IGLON5: variants seen among roughly 807,000 people sequenced by gnomAD.
The protein encoded by IGLON5 is Ig-like domain-containing protein ENSP00000270642.
Under a neutral mutation model 38.2 loss-of-function variants are expected in IGLON5, and 16 were observed. The ratio of observed to expected loss-of-function variants is 0.42; its 90% CI spans 0.28 to 0.64. IGLON5 has a LOEUF of 0.64. Ranked by LOEUF, IGLON5 falls within the 30% of genes least tolerant of loss-of-function variation. The probability of loss-of-function intolerance (pLI) is 0.23; values close to 1 mark genes in which losing one functional copy is unlikely to be tolerated. For missense variants in IGLON5, 366 were observed against 483.4 expected (o/e 0.76, Z 2.28); for synonymous variants, 207 against 216.4 (o/e 0.96, Z 0.38).
chr19:51,326,753 T>TC lies in IGLON5; in HGVS notation c.512-5dup, dbSNP rs1985226057. 2 of 1,542,186 alleles carry TC rather than the reference T, an allele frequency of 1.3e-6. No individual in the cohort carries two copies. Among genetic ancestry groups the TC allele is most frequent in the Non-Finnish European group, 8.7e-7 (1 of 1,143,306 alleles). On this transcript the variant is annotated splice_polypyrimidine_tract_variant and intron_variant, in intron 4 of 7. Coordinates refer to ENST00000270642, the MANE Select transcript of IGLON5 (RefSeq NM_001101372.3). ...TCCGGCCCCGCCCCCTCCTCCTCCT[T>TC]CCCCCCACAGACGGCTTCACCTCGG...
rs549400283 is a variant in IGLON5 at position 51,314,462 on chromosome 19, G to T, written c.79+2536G>T. On this transcript the variant is annotated intron_variant, in intron 1 of 7. Transcript: ENST00000270642. ...GCCTCCCAAAGTGCTGGGATTACAG[G>T]CATGAGCCACTGTCTGGCCCCCACA... 2.0e-5 allele frequency among the ~76,000 whole-genome samples: 3 copies of T among 152,288 alleles called. No individual in the cohort carries two copies. The South Asian group carries it at 6.2e-4, about 32-fold the overall frequency.
chr19:51,325,355 G>A lies in IGLON5; in HGVS notation c.401G>A (p.Arg134His), dbSNP rs527614882. Reference protein sequence around the residue: ...QVYLIVHVPARIVNISSPVTV... With the variant: ...QVYLIVHVPAHIVNISSPVTV... ...CTGCCGCTGCCCGCAGTCCCTGCCCGCATTGTGAACATCTCGTCGCCTGTG... is the reference window on the plus strand; with the variant it reads ...CTGCCGCTGCCCGCAGTCCCTGCCCACATTGTGAACATCTCGTCGCCTGTG... Residue 134 changes from arginine to histidine, a missense_variant, in exon 4 of 8, where the codon CGC becomes CAC. Physicochemically the swap from Arg to His is conservative, Grantham distance 29. Transcript: ENST00000270642. The surrounding 1 kb of genome is among the most constrained non-coding windows in gnomAD (Gnocchi z 5.5). 5.6e-6 allele frequency: 9 copies of A among 1,613,736 alleles called. No individual in the cohort carries two copies. The highest frequency in any genetic ancestry group is 2.2e-5 in the East Asian group (1 of 44,872).
At chr19:51,328,198 TAAAC>T (rs1985264141) in intron 7 of IGLON5, among the ~76,000 whole-genome samples, 1 of 151,832 alleles carries the variant, frequency 6.6e-6, no homozygotes, top group Admixed American at 6.6e-5. Flanking sequence ...AACACATACA[TAAAC>T]AAAAAATAAT....
intron 1 of IGLON5, among the ~76,000 whole-genome samples, chr19:51,314,063 GTCTTCTTCTTCCTCC>G (rs1568456815): frequency 6.6e-6 from 1 of 151,460 alleles, no homozygotes; most frequent in Non-Finnish European, 1.5e-5. Context: ...CTTATCTCTT[GTCTTCTTCTTCCTCC>G]TCTTCTTTCC....
chr19:51,328,021 G>T, intron 7 of IGLON5, 135 bp downstream of exon 7: 3 of 959,610 alleles, frequency 3.1e-6, no homozygotes, highest in South Asian at 3.5e-5. Flanking sequence ...AAAGCAATGC[G>T]AGTAAGAAAC....
At position 51,327,815 on chromosome 19, in the gene IGLON5, G is replaced by A. The variant is rs1985255231; in HGVS notation, c.851G>A (p.Arg284Gln). The part of the protein sequence containing the change: ...SMLLFANVSA[R>Q]HYGNYTCRAA... ...CTTCTCTTTGCCAACGTGAGCGCCC[G>A]GCATTACGGCAACTATACGTGTCGC... The change falls in exon 7 of 8, where the codon CGG becomes CAG. Residue 284 changes from arginine to glutamine, a missense_variant. By Grantham distance (43) the Arg-to-Gln change is conservative. Transcript: ENST00000270642. This position sits in a 1 kb window ranked among gnomAD's most constrained non-coding sequence, Gnocchi z 7.1. The A allele has an allele frequency of 6.4e-7, 1 of 1,555,672 alleles. No homozygotes were observed. Among genetic ancestry groups the A allele is most frequent in the Non-Finnish European group, 8.7e-7 (1 of 1,151,204 alleles).
chr19:51,326,759 C>A lies in IGLON5; in HGVS notation c.512-5C>A, dbSNP rs370916177. On this transcript the variant is annotated splice_polypyrimidine_tract_variant and splice_region_variant and intron_variant, in intron 4 of 7. Coordinates refer to ENST00000270642, the MANE Select transcript of IGLON5 (RefSeq NM_001101372.3). ...CCCGCCCCCTCCTCCTCCTTCCCCC[C>A]ACAGACGGCTTCACCTCGGAGGGAG... 2.4e-4 allele frequency: 370 copies of A among 1,546,970 alleles called. No individual in the cohort carries two copies. The highest frequency in any genetic ancestry group is 2.2e-4 in the Middle Eastern group (1 of 4,608).
At chr19:51,319,390 C>G (rs1048236778) in intron 1 of IGLON5, among the ~76,000 whole-genome samples, 1 of 151,930 alleles carries the variant, frequency 6.6e-6, no homozygotes, top group Non-Finnish European at 1.5e-5. Context: ...CCCAGCGTGG[C>G]CCCTTCGTGC....
intron 1 of IGLON5, among the ~76,000 whole-genome samples, chr19:51,316,201 C>T (rs1406478025): frequency 6.9e-6 from 1 of 145,864 alleles, no homozygotes; most frequent in African/African-American, 2.5e-5. Flanking sequence ...AAAAAAAAGC[C>T]AGGCATGGTG....
chr19:51,322,823 CCTCT>C (rs1417124966), intron 2 of IGLON5, among the ~76,000 whole-genome samples: 1 of 143,602 alleles, frequency 7.0e-6, no homozygotes, highest in African/African-American at 2.6e-5. Context: ...TCTCTGTACC[CCTCT>C]CTCTGTGTGT....
At position 51,327,214 on chromosome 19, in the gene IGLON5, T is replaced by G. The variant is rs1568459802; in HGVS notation, c.767+14T>G. 1.2e-6 allele frequency: 2 copies of G among 1,601,710 alleles called. No homozygotes were observed. ...GGATGACAGACTGTGAGGACAGCAC[T>G]GAGGGGGCCGTGGGAGCGGGAAGGG... On this transcript the variant is annotated intron_variant, in intron 6 of 7. Transcript: ENST00000270642. This position sits in a 1 kb window ranked among gnomAD's most constrained non-coding sequence, Gnocchi z 7.1.
At chr19:51,320,935 A>T (rs1235168871) in intron 1 of IGLON5, among the ~76,000 whole-genome samples, 1 of 152,096 alleles carries the variant, frequency 6.6e-6, no homozygotes, top group Non-Finnish European at 1.5e-5. Context: ...GTGTGTATGC[A>T]TATATACTAT....
At chr19:51,315,012 A>G (rs1599822168) in intron 1 of IGLON5, among the ~76,000 whole-genome samples, 1 of 152,206 alleles carries the variant, frequency 6.6e-6, no homozygotes, top group Non-Finnish European at 1.5e-5. Context: ...TAGAAACAAA[A>G]TAAGCCCATT....
chr19:51,313,610 T>TC, intron 1 of IGLON5, among the ~76,000 whole-genome samples: 1 of 149,306 alleles, frequency 6.7e-6, no homozygotes, highest in South Asian at 2.1e-4. Flanking sequence ...TCCTTCTTTC[T>TC]TTCTTTCCTT....
At chr19:51,320,404 C>T (rs1985024467) in intron 1 of IGLON5, among the ~76,000 whole-genome samples, 1 of 152,186 alleles carries the variant, frequency 6.6e-6, no homozygotes, top group African/African-American at 2.4e-5. Context: ...CGCGCAGGCC[C>T]CTCCCACTCC....
In IGLON5 at chr19:51,311,715, C is replaced by A. The variant is rs1258959705; in HGVS notation, c.-133C>A. ...CGTCGCGCCCCCCCAGCCCCCTCCC[C>A]CCGCCCCCGCCGCCCCCCGGGCCGG... is the stretch of plus-strand genomic sequence containing the variant. On this transcript the variant is annotated 5_prime_UTR_variant, in exon 1 of 8. Transcript: ENST00000270642. 2 of 87,104 alleles carry A rather than the reference C, an allele frequency of 2.3e-5. No homozygotes were observed. The highest frequency in any genetic ancestry group is 4.8e-5 in the African/African-American group (1 of 20,986). 5.4% of individuals were successfully genotyped at this position (87,104 alleles called of 1,614,324 possible). A position where few individuals can be genotyped will look rare whatever the true frequency, so the allele number is the denominator to read the frequency against.
chr19:51,322,464 A>G (rs1213786877), intron 2 of IGLON5, among the ~76,000 whole-genome samples: 1 of 147,990 alleles, frequency 6.8e-6, no homozygotes, highest in Non-Finnish European at 1.5e-5. Context: ...AGAAGGGGAC[A>G]GAGATCCAGA....
intron 1 of IGLON5, among the ~76,000 whole-genome samples, chr19:51,320,505 C>G (rs1985028241): frequency 6.6e-6 from 1 of 152,232 alleles, no homozygotes; most frequent in South Asian, 2.1e-4. Flanking sequence ...CTCCCTGGCC[C>G]TGGTCCAGCC....
In IGLON5 at chr19:51,327,163, C is replaced by A; in HGVS notation, c.730C>A (p.Pro244Thr). 1 of 1,612,280 alleles carries A rather than the reference C, an allele frequency of 6.2e-7. No homozygotes were observed. Among genetic ancestry groups the A allele is most frequent in the Non-Finnish European group, 8.5e-7 (1 of 1,179,646 alleles). Residue 244 changes from proline to threonine, a missense_variant, in exon 6 of 8, where the codon CCC becomes ACC. Transcript: ENST00000270642. This position sits in a 1 kb window ranked among gnomAD's most constrained non-coding sequence, Gnocchi z 7.1. ...ALLRCEAMAVPPADFQWYKDD... is the reference protein window; with the variant it reads ...ALLRCEAMAVTPADFQWYKDD... ...CCTGCGCTGCGAAGCCATGGCGGTT[C>A]CCCCCGCGGATTTCCAGTGGTACAA...
Sources: gnomAD v4.1 joint callset for allele counts (sites outside exome capture counted in the v4.1 genomes callset) on GRCh38, gnomAD v4.1.1 for gene constraint, Gnocchi (gnomAD v3.1) non-coding constraint, MANE v1.5 for transcripts, NCBI Gene and HGNC (gene_info 2026-07-23, HGNC 2026-07-21) for gene names.